NCK2: variants seen among roughly 807,000 people sequenced by gnomAD.
NCK2 encodes the protein NCK adaptor protein 2, also known as cytoplasmic protein NCK2.
In NCK2, 16 loss-of-function variants were observed where a neutral mutation model predicts 33.9. The observed-to-expected ratio is 0.47, with a 90% CI of 0.32 to 0.72. The LOEUF (loss-of-function observed/expected upper bound fraction) is 0.72, where lower values mean the gene tolerates loss of function less well. NCK2 is among the 30% of genes least tolerant of loss of function. The pLI, the probability that NCK2 is intolerant of heterozygous loss-of-function variation, is 0.03. For synonymous variants in NCK2, 273 were observed against 239.9 expected, an observed-to-expected ratio of 1.14 and a Z score of -1.27; for missense variants, 418 against 537.3, an observed-to-expected ratio of 0.78 and a Z score of 2.19.
At chr2:105,846,880 T>C (rs1282905970) in intron 2 of NCK2, 3 of 152,248 alleles carry the variant, frequency 2.0e-5, no homozygotes, top group Admixed American at 6.5e-5. Flanking sequence ...CTCATGTTCA[T>C]AGCATTATTG....
intron 2 of NCK2, among the ~76,000 whole-genome samples, chr2:105,819,529 C>T (rs1214110492): frequency 2.0e-5 from 3 of 152,074 alleles, no homozygotes; most frequent in African/African-American, 4.8e-5. Context: ...AGGTCTTGAT[C>T]GTCAGTGACA....
chr2:105,838,902 G>A (rs751949148), intron 2 of NCK2, among the ~76,000 whole-genome samples: 2 of 152,140 alleles, frequency 1.3e-5, no homozygotes, highest in African/African-American at 2.4e-5. Flanking sequence ...GAAAATAAAC[G>A]ATAAATAAAT....
intron 2 of NCK2, among the ~76,000 whole-genome samples, chr2:105,834,075 A>G (rs1177044865): frequency 6.6e-6 from 1 of 152,240 alleles, no homozygotes; most frequent in Non-Finnish European, 1.5e-5. Flanking sequence ...TAAATCCTAG[A>G]GAATGTCCCA....
upstream of NCK2, chr2:105,744,876 G>A (rs1689212950): frequency 1.2e-5 from 2 of 160,550 alleles, no homozygotes; most frequent in Admixed American, 6.7e-5. Context: ...CGCCGCCGCC[G>A]CCGCCGCCGC....
At chr2:105,856,542 TGTG>T (rs1677278938) in intron 3 of NCK2, 3 of 152,224 alleles carry the variant, frequency 2.0e-5, no homozygotes, top group South Asian at 2.1e-4. Flanking sequence ...ATACACCAAA[TGTG>T]GTGGGTGTTG....
At chr2:105,863,773 A>G (rs1024001491) in intron 3 of NCK2, among the ~76,000 whole-genome samples, 3 of 152,092 alleles carry the variant, frequency 2.0e-5, no homozygotes, top group African/African-American at 7.2e-5. Flanking sequence ...GGAGTCTTCG[A>G]TCACCTGCAT....
chr2:105,796,560 G>A (rs1389478498), intron 1 of NCK2, among the ~76,000 whole-genome samples: 3 of 152,190 alleles, frequency 2.0e-5, no homozygotes, highest in African/African-American at 4.8e-5. Flanking sequence ...GAACGCAGGT[G>A]TTCAGATCGG....
At chr2:105,826,482 T>C (rs1675948468) in intron 2 of NCK2, among the ~76,000 whole-genome samples, 1 of 152,184 alleles carries the variant, frequency 6.6e-6, no homozygotes, top group African/African-American at 2.4e-5. Context: ...AGGCCTGTGA[T>C]TGTGACTATC....
At chr2:105,854,279 TGCTTCCAAATTTGA>T (rs1677175917) in intron 2 of NCK2, among the ~76,000 whole-genome samples, 1 of 152,242 alleles carries the variant, frequency 6.6e-6, no homozygotes, top group Non-Finnish European at 1.5e-5. Context: ...ACATTTTGCT[TGCTTCCAAATTTGA>T]GCAATTATGA....
intron 1 of NCK2, among the ~76,000 whole-genome samples, chr2:105,769,672 G>C (rs1690063988): frequency 6.6e-6 from 1 of 152,198 alleles, no homozygotes; most frequent in Admixed American, 6.5e-5. Context: ...TGGCCAAGAA[G>C]GGCCAGGGGT....
At chr2:105,868,786 C>G (rs1677861480) in intron 3 of NCK2, among the ~76,000 whole-genome samples, 1 of 152,220 alleles carries the variant, frequency 6.6e-6, no homozygotes, top group African/African-American at 2.4e-5. Context: ...TTTGCACTAT[C>G]TGTAGAATTC....
intron 1 of NCK2, among the ~76,000 whole-genome samples, chr2:105,764,531 G>T (rs1689871470): frequency 6.6e-6 from 1 of 152,158 alleles, no homozygotes; most frequent in Admixed American, 6.5e-5. Context: ...AATGATACTG[G>T]TCACTTGGCT....
Position 105,876,165 on chromosome 2 carries a change from T to C in NCK2, c.227-5163T>C, listed in dbSNP as rs145711685. On this transcript the variant is annotated intron_variant, in intron 3 of 4. Transcript: ENST00000233154. ...ATCGCAATATGATTTATCCAAAGCA[T>C]GCTGCTGTGACACCTCCAACCAAAA... Among the ~76,000 whole-genome samples, 360 of 152,340 alleles carry C rather than the reference T, an allele frequency of 2.4e-3. 1 individual carries two copies. The highest frequency in any genetic ancestry group is 7.6e-3 in the African/African-American group (317 of 41,588).
chr2:105,851,494 T>C (rs1677067706), intron 2 of NCK2, among the ~76,000 whole-genome samples: 1 of 152,090 alleles, frequency 6.6e-6, no homozygotes, highest in Non-Finnish European at 1.5e-5. Flanking sequence ...CCTGACCTCG[T>C]GAAGCGCCTG....
intron 4 of NCK2, among the ~76,000 whole-genome samples, chr2:105,890,016 G>A (rs559641519): frequency 2.3e-4 from 35 of 152,204 alleles, no homozygotes; most frequent in African/African-American, 6.3e-4. Flanking sequence ...CATATGTAAC[G>A]GTGTATGTTA....
At chr2:105,848,281 G>A (rs1187422676) in intron 2 of NCK2, among the ~76,000 whole-genome samples, 1 of 152,192 alleles carries the variant, frequency 6.6e-6, no homozygotes, top group Non-Finnish European at 1.5e-5. Flanking sequence ...CACCCAGATG[G>A]TTGATATGAA....
intron 1 of NCK2, among the ~76,000 whole-genome samples, chr2:105,811,054 A>G (rs1675277785): frequency 6.6e-6 from 1 of 151,830 alleles, no homozygotes; most frequent in African/African-American, 2.4e-5. Context: ...GTGTGCCTGT[A>G]GTCCCAGCTA....
intron 3 of NCK2, chr2:105,856,934 T>C (rs1677294269): frequency 6.6e-6 from 1 of 152,190 alleles, no homozygotes; most frequent in African/African-American, 2.4e-5. Context: ...TTGAAGGTTG[T>C]CCTGAGCTTT....
chr2:105,779,158 T>G (rs1690404363), intron 1 of NCK2, among the ~76,000 whole-genome samples: 1 of 151,762 alleles, frequency 6.6e-6, no homozygotes, highest in Non-Finnish European at 1.5e-5. Context: ...AATACAAAAA[T>G]TAACTGGGCA....
Sources: gnomAD v4.1 joint callset for allele counts (sites outside exome capture counted in the v4.1 genomes callset) on GRCh38, gnomAD v4.1.1 for gene constraint, MANE v1.5 for transcripts, NCBI Gene and HGNC (gene_info 2026-07-23, HGNC 2026-07-21) for gene names.